The following AHR variants were observed in gnomAD, a reference collection of about 807,000 sequenced individuals.
AHR encodes the protein aryl hydrocarbon receptor.
Under a neutral mutation model 86.8 loss-of-function variants are expected in AHR, and 40 were observed. The observed-to-expected ratio is 0.46, with a 90% CI of 0.36 to 0.60. AHR has a LOEUF of 0.60. AHR is among the 20% of genes least tolerant of loss of function. The pLI is 0.00. For synonymous variants in AHR, 398 were observed against 354.9 expected (o/e 1.12, Z -1.37); for missense variants, 1,001 against 1,011.6 (o/e 0.99, Z 0.14).
In AHR at chr7:17,339,455, A is replaced by C. The variant is rs1350419048; in HGVS notation, c.1630A>C (p.Lys544Gln). The change falls in exon 10 of 11, where the codon AAA (lysine) becomes CAA (glutamine). Residue 544 changes from lysine to glutamine, a missense_variant. Coordinates refer to ENST00000242057, the MANE Select transcript of AHR (RefSeq NM_001621.5). ...AAACAGTGACTTGTACAGCATAATG[A>C]AAAACCTAGGCATTGATTTTGAAGA... The part of the protein sequence containing the change: ...SKNSDLYSIM[K>Q]NLGIDFEDIR... The C allele has an allele frequency of 6.2e-7, 1 of 1,614,196 alleles. No individual in the cohort carries two copies. The highest frequency in any genetic ancestry group is 8.5e-7 in the Non-Finnish European group (1 of 1,180,020).
In AHR at chr7:17,339,977, G is replaced by C; in HGVS notation, c.2152G>C (p.Asp718His). Residue 718 changes from aspartate (D) to histidine (H), a missense_variant, in exon 10 of 11, where the codon GAC becomes CAC. By Grantham distance (81) the Asp-to-His change is moderately conservative. Transcript: ENST00000242057. ...ACAACATTCCAAATGTACAGAGCTG[G>C]ACTACCCTATGGGGAGTTTTGAACC... Reference protein sequence around the residue: ...LPQHSKCTELDYPMGSFEPSP... With the variant: ...LPQHSKCTELHYPMGSFEPSP... 1 of 1,614,118 alleles carries C rather than the reference G, an allele frequency of 6.2e-7. No homozygotes were observed. Among genetic ancestry groups the C allele is most frequent in the African/African-American group, 1.3e-5 (1 of 75,038 alleles).
chr7:17,308,145 A>T (rs1470515221), intron 1 of AHR, among the ~76,000 whole-genome samples: 1 of 152,086 alleles, frequency 6.6e-6, no homozygotes, highest in African/African-American at 2.4e-5. Flanking sequence ...TTTACCTGTA[A>T]GTGTTCTGTG....
At chr7:17,305,341 A>G (rs556192829) in intron 1 of AHR, among the ~76,000 whole-genome samples, 1 of 152,306 alleles carries the variant, frequency 6.6e-6, no homozygotes, top group South Asian at 2.1e-4. Flanking sequence ...ATTCAGAGAT[A>G]AATACGGATG....
intron 4 of AHR, among the ~76,000 whole-genome samples, chr7:17,329,598 G>A (rs983604659): frequency 1.3e-5 from 2 of 151,896 alleles, no homozygotes; most frequent in African/African-American, 4.8e-5. Context: ...GCCTGGGGTG[G>A]TTAGGAAAAG....
intron 2 of AHR, among the ~76,000 whole-genome samples, chr7:17,314,656 C>T (rs529997434): frequency 1.3e-4 from 20 of 152,068 alleles, no homozygotes; most frequent in East Asian, 3.9e-4. Flanking sequence ...AACAAGTATA[C>T]GTACATGTGT....
intron 2 of AHR, among the ~76,000 whole-genome samples, chr7:17,320,754 A>G (rs1782160615): frequency 6.6e-6 from 1 of 152,120 alleles, no homozygotes; most frequent in African/African-American, 2.4e-5. Flanking sequence ...CTCTCTGTGT[A>G]CAGATTAAAC....
At chr7:17,315,641 T>A (rs529725533) in intron 2 of AHR, among the ~76,000 whole-genome samples, 1 of 152,096 alleles carries the variant, frequency 6.6e-6, no homozygotes, top group Non-Finnish European at 1.5e-5. Flanking sequence ...AATTTTCAAA[T>A]ACAGACATTT....
intron 2 of AHR, among the ~76,000 whole-genome samples, chr7:17,311,283 A>C (rs1363195358): frequency 1.3e-5 from 2 of 152,218 alleles, no homozygotes; most frequent in African/African-American, 4.8e-5. Context: ...TCATACATTA[A>C]TGTGCTTACA....
rs1782244908 is a variant in AHR, at chr7:17,327,810, G to A, written c.412G>A (p.Ala138Thr). The part of the protein sequence containing the change: ...VVTTDALVFY[A>T]SSTIQDYLGF... The stretch of plus-strand genomic sequence containing the variant: ...CACTACAGATGCTTTGGTCTTTTAT[G>A]CTTCTTCTACTATACAAGATTATCT... The change falls in exon 4 of 11, where the codon GCT (alanine) becomes ACT (threonine). Residue 138 changes from alanine (A) to threonine (T), a missense_variant. This residue lies in a region of AHR where 394 missense variants were observed against 468.5 expected (regional missense o/e 0.84). Coordinates refer to ENST00000242057, the MANE Select transcript of AHR (RefSeq NM_001621.5). 1.3e-6 allele frequency: 2 copies of A among 1,576,402 alleles called. No homozygotes were observed. The highest frequency in any genetic ancestry group is 8.7e-7 in the Non-Finnish European group (1 of 1,155,966).
In AHR at chr7:17,343,271, A is replaced by C. The variant is rs558612240; in HGVS notation, c.*207A>C. ...ATCAAAATTACATATACTACAGTCA[A>C]GATAGAAAGGGTGCTGCCACGGAGT... On this transcript the variant is annotated 3_prime_UTR_variant, in exon 11 of 11. Transcript: ENST00000242057. 1.7e-5 allele frequency: 10 copies of C among 595,388 alleles called. No homozygotes were observed. The highest frequency in any genetic ancestry group is 1.1e-4 in the South Asian group (5 of 45,944). 36.9% of individuals were successfully genotyped at this position (595,388 alleles called of 1,614,324 possible). A position where few individuals can be genotyped will look rare whatever the true frequency, so the allele number is the denominator to read the frequency against.
chr7:17,317,893 C>T (rs1562477074), intron 2 of AHR, among the ~76,000 whole-genome samples: 4 of 152,094 alleles, frequency 2.6e-5, no homozygotes, highest in African/African-American at 9.7e-5. Context: ...ATTAACTGCT[C>T]TTGTTCCATT....
intron 3 of AHR, among the ~76,000 whole-genome samples, chr7:17,324,746 G>T (rs1456321673): frequency 3.3e-5 from 5 of 151,250 alleles, no homozygotes; most frequent in Non-Finnish European, 7.4e-5. Flanking sequence ...TAGTTGCAGT[G>T]AGCAGAGATC....
At chr7:17,323,921 C>A (rs2115360257) in intron 3 of AHR, among the ~76,000 whole-genome samples, 2 of 152,224 alleles carry the variant, frequency 1.3e-5, no homozygotes, top group Middle Eastern at 6.8e-3. Context: ...CTTGGGTTTT[C>A]TACTAAGGGC....
chr7:17,322,828 G>A (rs563406095), intron 3 of AHR, among the ~76,000 whole-genome samples: 13 of 152,098 alleles, frequency 8.5e-5, no homozygotes, highest in East Asian at 7.7e-4. Flanking sequence ...CCACATATGC[G>A]ACAGTGGTCC....
intron 1 of AHR, among the ~76,000 whole-genome samples, chr7:17,303,963 A>G (rs182819502): frequency 2.0e-5 from 3 of 152,234 alleles, no homozygotes; most frequent in East Asian, 3.9e-4. Flanking sequence ...AATTAAAGTT[A>G]TATGTTGGGA....
At chr7:17,323,795 TC>T (rs1408977309) in intron 3 of AHR, among the ~76,000 whole-genome samples, 1 of 152,162 alleles carries the variant, frequency 6.6e-6, no homozygotes, top group Non-Finnish European at 1.5e-5. Flanking sequence ...GCATGAGTCC[TC>T]CCCTAGCCCC....
intron 1 of AHR, among the ~76,000 whole-genome samples, chr7:17,306,048 T>G (rs958640882): frequency 5.9e-5 from 9 of 152,124 alleles, no homozygotes; most frequent in Non-Finnish European, 1.2e-4. Flanking sequence ...AATAATAAGT[T>G]ACTCCTTTGC....
At chr7:17,331,981 C>G (rs1782300550) in intron 6 of AHR, among the ~76,000 whole-genome samples, 1 of 151,892 alleles carries the variant, frequency 6.6e-6, no homozygotes, top group Non-Finnish European at 1.5e-5. Context: ...AGACAGTTTT[C>G]CCAGTGTTAT....
intron 3 of AHR, among the ~76,000 whole-genome samples, chr7:17,327,213 G>A (rs757236261): frequency 6.6e-6 from 1 of 151,950 alleles, no homozygotes; most frequent in Non-Finnish European, 1.5e-5. Context: ...TAAATTCACT[G>A]TATGCTTGCT....
Sources: allele counts gnomAD v4.1 joint callset (sites outside exome capture counted in the v4.1 genomes callset), GRCh38; gene constraint gnomAD v4.1.1; regional missense constraint gnomAD v4.1.1; transcripts MANE v1.5; gene names NCBI Gene and HGNC (gene_info 2026-07-23, HGNC 2026-07-21).